PNPLA1: variants seen among roughly 807,000 people sequenced by gnomAD.
PNPLA1 encodes the protein omega-hydroxyceramide transacylase.
A neutral mutation model predicts 51.7 loss-of-function variants in PNPLA1; 36 were observed. The ratio of observed to expected loss-of-function variants is 0.70; its 90% confidence interval spans 0.53 to 0.92. PNPLA1 has a LOEUF of 0.92. PNPLA1 is among the 40% of genes least tolerant of loss of function. The probability of loss-of-function intolerance (pLI) is 0.00; values close to 1 mark genes in which losing one functional copy is unlikely to be tolerated. For missense variants in PNPLA1, 658 were observed against 682.5 expected (o/e 0.96, Z 0.40); for synonymous variants, 293 against 280.1 (o/e 1.05, Z -0.46).
rs1771456871 is a variant in PNPLA1, at chr6:36,313,779, G to C, written c.*1893G>C. ...CAGAAGCCTGAGGCCTGGGAAACTA[G>C]GGGGAGGAGAGTGTCCTCTCTTGCA... On this transcript the variant is annotated 3_prime_UTR_variant, in exon 9 of 9. Coordinates refer to ENST00000636260, the MANE Select transcript of PNPLA1 (RefSeq NM_001374623.1). 6.6e-6 allele frequency among the ~76,000 whole-genome samples: 1 copy of C among 152,210 alleles called. No individual in the cohort carries two copies. The highest frequency in any genetic ancestry group is 1.5e-5 in the Non-Finnish European group (1 of 68,022).
intron 5 of PNPLA1, among the ~76,000 whole-genome samples, chr6:36,300,133 A>G (rs753279026): frequency 3.5e-5 from 5 of 144,082 alleles, no homozygotes; most frequent in Non-Finnish European, 7.7e-5. Context: ...CCTCTTGCCT[A>G]TAACAGTTTC....
rs1421888795 is a variant in PNPLA1, at chr6:36,294,088, G to A, written c.505-102G>A. The A allele has an allele frequency of 2.2e-6, 3 of 1,339,712 alleles. No individual in the cohort carries two copies. The highest frequency in any genetic ancestry group is 5.0e-5 in the East Asian group (2 of 40,330). 83.0% of individuals were successfully genotyped at this position (1,339,712 alleles called of 1,614,324 possible). On this transcript the variant is annotated intron_variant, in intron 3 of 8. Transcript: ENST00000636260. The surrounding 1 kb of genome is among the most constrained non-coding windows in gnomAD (Gnocchi z 4.2). ...GGGTCTTCTGGATCTTCCTTGATGG[G>A]CCCTTGAAGCTGGTGCCATATCCCA...
rs560796709 is a variant in PNPLA1 at position 36,313,687 on chromosome 6, G to C, written c.*1801G>C. Reference sequence around the variant, plus strand: ...GGAAGCAGCTGGAGGTGTGTACTGTGGGGGAGACTGACTAGAGAGGCCCGC... The same window carrying C: ...GGAAGCAGCTGGAGGTGTGTACTGTCGGGGAGACTGACTAGAGAGGCCCGC... On this transcript the variant is annotated 3_prime_UTR_variant, in exon 9 of 9. Coordinates refer to ENST00000636260, the MANE Select transcript of PNPLA1 (RefSeq NM_001374623.1). Among the ~76,000 whole-genome samples the C allele has an allele frequency of 1.3e-5, 2 of 152,296 alleles. No individual in the cohort carries two copies. Among genetic ancestry groups the C allele is most frequent in the African/African-American group, 4.8e-5 (2 of 41,568 alleles).
At chr6:36,269,361 CA>C (rs1331546364), upstream of PNPLA1, among the ~76,000 whole-genome samples, 1 of 152,188 alleles carries the variant, frequency 6.6e-6, no homozygotes, top group Non-Finnish European at 1.5e-5. Flanking sequence ...TACAGCCCCT[CA>C]GGGGGCAGAA....
chr6:36,260,578 C>A (rs1769625437), intron 1 of PNPLA1, among the ~76,000 whole-genome samples: 1 of 152,144 alleles, frequency 6.6e-6, no homozygotes, highest in Non-Finnish European at 1.5e-5. Flanking sequence ...CCAGAGGCCA[C>A]CGATGTTTTC....
At chr6:36,245,288 CCTGGGTTT>C (rs1769244909) in intron 1 of PNPLA1, among the ~76,000 whole-genome samples, 1 of 152,052 alleles carries the variant, frequency 6.6e-6, no homozygotes, top group Non-Finnish European at 1.5e-5. Context: ...TTGCTGGGGG[CCTGGGTTT>C]CTGAAAAACA....
chr6:36,248,507 C>T (rs896611735), intron 1 of PNPLA1, among the ~76,000 whole-genome samples: 1 of 152,068 alleles, frequency 6.6e-6, no homozygotes, highest in African/African-American at 2.4e-5. Flanking sequence ...TTAAATGCCA[C>T]ACCAAAATAA....
intron 1 of PNPLA1, among the ~76,000 whole-genome samples, chr6:36,255,612 AG>A (rs1769515752): frequency 6.6e-6 from 1 of 151,158 alleles, no homozygotes; most frequent in Admixed American, 6.6e-5. Flanking sequence ...ACTTGAACCC[AG>A]GAGGCAGAGG....
At chr6:36,296,844 A>G (rs1031944888) in intron 5 of PNPLA1, among the ~76,000 whole-genome samples, 1 of 152,042 alleles carries the variant, frequency 6.6e-6, no homozygotes, top group Admixed American at 6.6e-5. Flanking sequence ...CTAATCTGTA[A>G]AAAAAAGGGG....
At chr6:36,298,885 C>T (rs1172762771) in intron 5 of PNPLA1, among the ~76,000 whole-genome samples, 1 of 152,170 alleles carries the variant, frequency 6.6e-6, no homozygotes, top group Non-Finnish European at 1.5e-5. Flanking sequence ...ACTACAGGCA[C>T]ACGCCACCAC....
chr6:36,272,189 T>C (rs972778483), intron 1 of PNPLA1, among the ~76,000 whole-genome samples: 19 of 152,200 alleles, frequency 1.2e-4, no homozygotes, highest in African/African-American at 4.3e-4. Context: ...GCCCTGAGCT[T>C]GTTTTCCTGC....
intron 5 of PNPLA1, among the ~76,000 whole-genome samples, chr6:36,299,394 G>A (rs914756125): frequency 1.3e-5 from 2 of 150,116 alleles, no homozygotes; most frequent in African/African-American, 2.5e-5. Flanking sequence ...GAGTGCAGTG[G>A]CATGATCTCG....
intron 1 of PNPLA1, among the ~76,000 whole-genome samples, chr6:36,263,598 A>T (rs1355118007): frequency 1.3e-5 from 2 of 152,202 alleles, no homozygotes; most frequent in African/African-American, 4.8e-5. Context: ...CACTCTAGAG[A>T]GCAATCGAGC....
intron 1 of PNPLA1, among the ~76,000 whole-genome samples, chr6:36,280,073 G>T (rs1026045295): frequency 6.6e-6 from 1 of 152,210 alleles, no homozygotes; most frequent in Non-Finnish European, 1.5e-5. Context: ...GGGCGTGGTG[G>T]TGCGTGCCTG....
chr6:36,274,067 T>C (rs1423367254), intron 1 of PNPLA1, among the ~76,000 whole-genome samples: 1 of 152,178 alleles, frequency 6.6e-6, no homozygotes, highest in African/African-American at 2.4e-5. Context: ...TGCCATACAA[T>C]TTACTCTTAA....
At chr6:36,274,808 A>G (rs1046504321) in intron 1 of PNPLA1, among the ~76,000 whole-genome samples, 22 of 152,148 alleles carry the variant, frequency 1.4e-4, no homozygotes, top group African/African-American at 4.8e-4. Flanking sequence ...CAGCATCCCC[A>G]TGTACTTATT....
At chr6:36,269,084 G>A (rs1769832638), upstream of PNPLA1, among the ~76,000 whole-genome samples, 1 of 152,230 alleles carries the variant, frequency 6.6e-6, no homozygotes, top group South Asian at 2.1e-4. Flanking sequence ...CCTAACTGAA[G>A]CCTGGCCTTG....
chr6:36,244,729 C>A lies in PNPLA1; in HGVS notation c.-81+1468C>A, dbSNP rs529366766. ...GACTTAACCATAACGATACTTCTTTCTTCTATAATCTGGCTGCTCCAGCAT... is the reference window on the plus strand; with the variant it reads ...GACTTAACCATAACGATACTTCTTTATTCTATAATCTGGCTGCTCCAGCAT... On this transcript the variant is annotated intron_variant, in intron 1 of 7. Coordinates refer to the PNPLA1 transcript ENST00000312917. Among the ~76,000 whole-genome samples, 10 of 152,352 alleles carry A rather than the reference C, an allele frequency of 6.6e-5. No homozygotes were observed. The East Asian group carries it at 1.3e-3, about 21-fold the overall frequency.
intron 2 of PNPLA1, among the ~76,000 whole-genome samples, chr6:36,291,994 TTGAA>T (rs1770700807): frequency 6.6e-6 from 1 of 152,200 alleles, no homozygotes; most frequent in African/African-American, 2.4e-5. Flanking sequence ...TGATAAGGGA[TTGAA>T]TGGTTACCAA....
Sources: gnomAD v4.1 joint callset for allele counts (sites outside exome capture counted in the v4.1 genomes callset) on GRCh38, gnomAD v4.1.1 for gene constraint, Gnocchi (gnomAD v3.1) non-coding constraint, MANE v1.5 for transcripts, NCBI Gene and HGNC (gene_info 2026-07-23, HGNC 2026-07-21) for gene names.